Variants in CNTN5 observed in about 807,000 individuals in gnomAD.
CNTN5 encodes contactin-5.
Under a neutral mutation model 129.1 loss-of-function variants are expected in CNTN5, and 77 were observed. The ratio of observed to expected loss-of-function variants is 0.60; its 90% CI spans 0.50 to 0.72. The LOEUF (loss-of-function observed/expected upper bound fraction) is 0.72, where lower values mean the gene tolerates loss of function less well. Ranked by LOEUF, CNTN5 falls within the 30% of genes least tolerant of loss-of-function variation. CNTN5 has a pLI of 0.00. For missense variants in CNTN5, 1,478 were observed against 1,328.8 expected, an observed-to-expected ratio of 1.11 and a Z score of -1.75; for synonymous variants, 509 against 465.6, an observed-to-expected ratio of 1.09 and a Z score of -1.20.
chr11:99,139,874 A>G (rs185503671), intron 1 of CNTN5, among the ~76,000 whole-genome samples: 131 of 152,272 alleles, frequency 8.6e-4, no homozygotes, highest in African/African-American at 3.0e-3. Flanking sequence ...TCTATTAAAT[A>G]TGAGAATTGT....
In CNTN5 at chr11:100,299,219, C is replaced by T. The variant is rs1951166017; in HGVS notation, c.2443C>T (p.Pro815Ser). 1 of 1,609,916 alleles carries T rather than the reference C, an allele frequency of 6.2e-7. No individual in the cohort carries two copies. Among genetic ancestry groups the T allele is most frequent in the Non-Finnish European group, 8.5e-7 (1 of 1,177,406 alleles). ...CTTCGGCTATATTGTGGCTTTCAGA[C>T]CCAATGGAACACGTGGCTGGAAGGA... ...EGFGYIVAFRPNGTRGWKEKM... is the reference protein window; with the variant it reads ...EGFGYIVAFRSNGTRGWKEKM... Residue 815 changes from proline to serine, a missense_variant, in exon 20 of 25, where the codon CCC (proline) becomes TCC (serine). Coordinates refer to ENST00000524871, the MANE Select transcript of CNTN5 (RefSeq NM_014361.4).
At chr11:99,096,900 G>C (rs1215809798) in intron 1 of CNTN5, among the ~76,000 whole-genome samples, 2 of 151,816 alleles carry the variant, frequency 1.3e-5, no homozygotes, top group African/African-American at 2.4e-5. Context: ...ATGATTTCAA[G>C]ACTCTTGCAA....
intron 9 of CNTN5, among the ~76,000 whole-genome samples, chr11:100,017,526 T>G (rs889556670): frequency 2.6e-5 from 4 of 151,960 alleles, no homozygotes; most frequent in Non-Finnish European, 4.4e-5. Flanking sequence ...TAGAGTAAGA[T>G]AGACTAAAAT....
At chr11:99,353,587 G>T (rs1321936313) in intron 2 of CNTN5, among the ~76,000 whole-genome samples, 2 of 152,138 alleles carry the variant, frequency 1.3e-5, no homozygotes, top group African/African-American at 2.4e-5. Flanking sequence ...TTGAATCATG[G>T]TCAGATTTAA....
chr11:99,989,569 C>T (rs1938919293), intron 8 of CNTN5, among the ~76,000 whole-genome samples: 1 of 151,904 alleles, frequency 6.6e-6, no homozygotes. Context: ...AAAAACCACC[C>T]AAAAGCATTT....
intron 13 of CNTN5, among the ~76,000 whole-genome samples, chr11:100,121,803 A>C (rs2138166296): frequency 6.6e-6 from 1 of 152,128 alleles, no homozygotes; most frequent in Admixed American, 6.6e-5. Flanking sequence ...AAATCAAGTA[A>C]AAAACATAGT....
In CNTN5 at chr11:99,430,301, A is replaced by G. The variant is rs554985516; in HGVS notation, c.-71+104817A>G. On this transcript the variant is annotated intron_variant, in intron 2 of 24. Coordinates refer to ENST00000524871, the MANE Select transcript of CNTN5 (RefSeq NM_014361.4). ...TTTGTTTAAAAAAACGAAAGGTTTCAGTAAACTAAAAAAAATTCCGAAAAG... is the reference window on the plus strand; with the variant it reads ...TTTGTTTAAAAAAACGAAAGGTTTCGGTAAACTAAAAAAAATTCCGAAAAG... Among the ~76,000 whole-genome samples, 182 of 152,140 alleles carry G rather than the reference A, an allele frequency of 1.2e-3. No individual in the cohort carries two copies. The Middle Eastern group carries it at 0.041, about 34-fold the overall frequency.
chr11:99,414,362 C>T lies in CNTN5; in HGVS notation c.-71+88878C>T, dbSNP rs563984896. Reference sequence around the variant, plus strand: ...GGGGATGTATGTGTATAGTTGTGCACACATGGATATTTAATAAGTGCCTGC... The same window carrying T: ...GGGGATGTATGTGTATAGTTGTGCATACATGGATATTTAATAAGTGCCTGC... On this transcript the variant is annotated intron_variant, in intron 2 of 24. Coordinates refer to ENST00000524871, the MANE Select transcript of CNTN5 (RefSeq NM_014361.4). 2.0e-5 allele frequency among the ~76,000 whole-genome samples: 3 copies of T among 152,158 alleles called. No individual in the cohort carries two copies. In the South Asian group the frequency reaches 6.2e-4, roughly 32 times the overall value.
chr11:99,309,270 T>G (rs2135964524), intron 1 of CNTN5, among the ~76,000 whole-genome samples: 1 of 151,734 alleles, frequency 6.6e-6, no homozygotes, highest in South Asian at 2.1e-4. Context: ...ACTTATAAAC[T>G]ATTGAAATTC....
chr11:99,244,177 T>A (rs552704405), intron 1 of CNTN5, among the ~76,000 whole-genome samples: 17 of 152,170 alleles, frequency 1.1e-4, no homozygotes, highest in Non-Finnish European at 2.5e-4. Flanking sequence ...TAGAGATCTT[T>A]CACCTTGGAT....
chr11:99,346,684 T>C (rs77841176), intron 2 of CNTN5, among the ~76,000 whole-genome samples: 1 of 152,240 alleles, frequency 6.6e-6, no homozygotes, highest in East Asian at 1.9e-4. Context: ...TTATTCCCAG[T>C]GGTATTATAT....
intron 6 of CNTN5, among the ~76,000 whole-genome samples, chr11:99,882,653 T>C (rs1329652807): frequency 6.6e-6 from 1 of 152,174 alleles, no homozygotes; most frequent in Admixed American, 6.5e-5. Context: ...CTAATAATCA[T>C]ATCATATAAA....
At chr11:100,170,773 A>G (rs1947798765) in intron 13 of CNTN5, among the ~76,000 whole-genome samples, 2 of 151,936 alleles carry the variant, frequency 1.3e-5, no homozygotes, top group African/African-American at 2.4e-5. Context: ...TTGATGAGAA[A>G]GAAACTTAAA....
chr11:100,134,395 T>C (rs1946463965), intron 13 of CNTN5, among the ~76,000 whole-genome samples: 1 of 152,198 alleles, frequency 6.6e-6, no homozygotes, highest in African/African-American at 2.4e-5. Flanking sequence ...GCAAATTCAC[T>C]TTTCTAAACC....
At chr11:99,968,089 A>G (rs2136215625) in intron 8 of CNTN5, among the ~76,000 whole-genome samples, 1 of 152,122 alleles carries the variant, frequency 6.6e-6, no homozygotes, top group East Asian at 1.9e-4. Context: ...GTACACAACC[A>G]GGCTTCTCAC....
At chr11:99,577,479 A>G (rs1246615325) in intron 3 of CNTN5, among the ~76,000 whole-genome samples, 1 of 152,176 alleles carries the variant, frequency 6.6e-6, no homozygotes, top group Non-Finnish European at 1.5e-5. Context: ...AGATTAACGT[A>G]CAGAGTTATG....
intron 13 of CNTN5, among the ~76,000 whole-genome samples, chr11:100,150,380 C>CATAAG (rs1163340940): frequency 6.7e-6 from 1 of 149,964 alleles, no homozygotes; most frequent in African/African-American, 2.4e-5. Context: ...TTAAAATTTG[C>CATAAG]ATAAGATCAA....
intron 8 of CNTN5, among the ~76,000 whole-genome samples, chr11:100,001,237 C>T (rs377619979): frequency 2.1e-4 from 32 of 152,240 alleles, no homozygotes; most frequent in East Asian, 1.9e-3. Context: ...GCATGTCTTA[C>T]GTGGTGGCAG....
intron 3 of CNTN5, among the ~76,000 whole-genome samples, chr11:99,581,780 A>G (rs571199255): frequency 2.6e-5 from 4 of 152,002 alleles, no homozygotes; most frequent in East Asian, 1.9e-4. Flanking sequence ...TCTTTATCCA[A>G]TTTTCCAGTC....
Sources: gnomAD v4.1 joint callset for allele counts (sites outside exome capture counted in the v4.1 genomes callset) on GRCh38, gnomAD v4.1.1 for gene constraint, MANE v1.5 for transcripts, NCBI Gene and HGNC (gene_info 2026-07-23, HGNC 2026-07-21) for gene names.